DCC: variants seen among roughly 807,000 people sequenced by gnomAD.
DCC encodes netrin receptor DCC.
DCC carries 58 observed loss-of-function variants against 172.5 expected under a neutral mutation model. That is an observed-to-expected ratio of 0.34 (90% CI 0.27 to 0.42). DCC has a LOEUF of 0.42. Ranked by LOEUF, DCC falls within the 10% of genes least tolerant of loss-of-function variation. The pLI is 1.00. For synonymous variants in DCC, 709 were observed against 644.5 expected (o/e 1.10, Z -1.52); for missense variants, 1,740 against 1,791.0 (o/e 0.97, Z 0.51).
chr18:52,456,311 A>G (rs1988456214), intron 1 of DCC, among the ~76,000 whole-genome samples: 1 of 152,154 alleles, frequency 6.6e-6, no homozygotes, highest in Admixed American at 6.6e-5. Context: ...TAGACATTAT[A>G]TTGCATTTGT....
At chr18:53,137,985 GT>G (rs147374888) in intron 7 of DCC, among the ~76,000 whole-genome samples, 2 of 147,758 alleles carry the variant, frequency 1.4e-5, no homozygotes, top group African/African-American at 5.0e-5. Flanking sequence ...CCTGCTAACT[GT>G]TTTTTTTTTA....
At chr18:52,420,289 T>C (rs1987202883) in intron 1 of DCC, among the ~76,000 whole-genome samples, 1 of 152,132 alleles carries the variant, frequency 6.6e-6, no homozygotes, top group Non-Finnish European at 1.5e-5. Context: ...AGGAAAGCCC[T>C]GTGATGTTGC....
chr18:53,016,163 A>G (rs1261472355), intron 5 of DCC, among the ~76,000 whole-genome samples: 1 of 152,100 alleles, frequency 6.6e-6, no homozygotes, highest in East Asian at 1.9e-4. Flanking sequence ...AAGAAAATAT[A>G]TGGAAGTGGG....
chr18:53,367,683 C>T (rs1323710836), intron 15 of DCC, among the ~76,000 whole-genome samples: 1 of 152,074 alleles, frequency 6.6e-6, no homozygotes, highest in Non-Finnish European at 1.5e-5. Context: ...GCCCATTCTC[C>T]TCCCTCCCTG....
intron 7 of DCC, among the ~76,000 whole-genome samples, chr18:53,109,597 C>T (rs2043300980): frequency 7.1e-6 from 1 of 141,186 alleles, no homozygotes; most frequent in South Asian, 2.6e-4. Context: ...TCCTTCCTTC[C>T]TTCCTTCTTT....
At chr18:52,911,288 G>T (rs2039967459) in intron 3 of DCC, among the ~76,000 whole-genome samples, 1 of 152,004 alleles carries the variant, frequency 6.6e-6, no homozygotes, top group Non-Finnish European at 1.5e-5. Context: ...AGTTCTAAAT[G>T]AACATAGACA....
chr18:52,609,682 G>T (rs529468864), intron 1 of DCC, among the ~76,000 whole-genome samples: 1 of 151,822 alleles, frequency 6.6e-6, no homozygotes, highest in South Asian at 2.1e-4. Context: ...TCTATTATAT[G>T]CTGTGGAATT....
At chr18:52,827,814 C>A (rs1255196524) in intron 2 of DCC, among the ~76,000 whole-genome samples, 6 of 152,162 alleles carry the variant, frequency 3.9e-5, no homozygotes, top group African/African-American at 1.2e-4. Context: ...GAATTTACCC[C>A]TGAGGTTTCT....
At chr18:52,419,568 A>G (rs564224353) in intron 1 of DCC, 2 of 152,304 alleles carry the variant, frequency 1.3e-5, no homozygotes, top group Admixed American at 6.5e-5. Context: ...ATAACGTTAA[A>G]GAAGAAAGAC....
chr18:53,047,460 T>TATAC (rs1345997998), intron 5 of DCC, among the ~76,000 whole-genome samples: 4 of 96,736 alleles, frequency 4.1e-5, no homozygotes, highest in African/African-American at 1.4e-4. Flanking sequence ...TATATATATA[T>TATAC]ATACCATTTT....
intron 2 of DCC, chr18:52,756,849 T>C (rs982995664): frequency 2.6e-5 from 4 of 152,230 alleles, no homozygotes; most frequent in Admixed American, 1.3e-4. Context: ...TCTTATTCAA[T>C]GACAGCCATA....
intron 12 of DCC, among the ~76,000 whole-genome samples, chr18:53,226,687 C>CA (rs1292554128): frequency 2.7e-5 from 4 of 149,890 alleles, no homozygotes; most frequent in Admixed American, 6.7e-5. Flanking sequence ...GGTTGTTGGC[C>CA]AAAAAAACAA....
intron 1 of DCC, among the ~76,000 whole-genome samples, chr18:52,581,807 C>A (rs2033557250): frequency 1.3e-5 from 2 of 152,256 alleles, no homozygotes; most frequent in South Asian, 2.1e-4. Flanking sequence ...TATGCTCAAA[C>A]TGTCTTTGGA....
chr18:53,122,699 T>G (rs947475693), intron 7 of DCC, among the ~76,000 whole-genome samples: 2 of 152,174 alleles, frequency 1.3e-5, no homozygotes, highest in Middle Eastern at 6.8e-3. Context: ...TGGTCTGACC[T>G]GAAAGAGTGA....
At chr18:53,480,631 A>G (rs185455042) in intron 25 of DCC, among the ~76,000 whole-genome samples, 6 of 152,222 alleles carry the variant, frequency 3.9e-5, no homozygotes, top group Admixed American at 3.9e-4. Flanking sequence ...ATTAATTACA[A>G]TGCCCAACAT....
intron 21 of DCC, among the ~76,000 whole-genome samples, chr18:53,418,545 T>C (rs762118593): frequency 3.3e-5 from 5 of 152,160 alleles, no homozygotes; most frequent in Non-Finnish European, 7.4e-5. Context: ...GAGTTTCTGC[T>C]GAGAGAAAAT....
intron 3 of DCC, among the ~76,000 whole-genome samples, chr18:52,921,532 C>T (rs2040124933): frequency 6.6e-6 from 1 of 151,824 alleles, no homozygotes; most frequent in African/African-American, 2.4e-5. Flanking sequence ...AACTCCATCT[C>T]TACTAAAAAT....
chr18:53,364,700 A>G (rs2057983198), intron 15 of DCC, among the ~76,000 whole-genome samples: 2 of 152,144 alleles, frequency 1.3e-5, no homozygotes, highest in African/African-American at 4.8e-5. Context: ...GTATAAATGA[A>G]GTCATAACAT....
At chr18:53,396,260 C>A (rs1006123749) in intron 17 of DCC, among the ~76,000 whole-genome samples, 1 of 152,152 alleles carries the variant, frequency 6.6e-6, no homozygotes, top group East Asian at 1.9e-4. Flanking sequence ...AAGAACGATA[C>A]CTCATACCAA....
Sources: allele counts gnomAD v4.1 joint callset (sites outside exome capture counted in the v4.1 genomes callset), GRCh38; gene constraint gnomAD v4.1.1; transcripts MANE v1.5; gene names NCBI Gene and HGNC (gene_info 2026-07-23, HGNC 2026-07-21).